The following CEP63 variants were observed in gnomAD, a reference collection of about 807,000 sequenced individuals.
CEP63 encodes the protein centrosomal protein 63.
Under a neutral mutation model 89.1 loss-of-function variants are expected in CEP63, and 84 were observed. The ratio of observed to expected loss-of-function variants is 0.94; its 90% CI spans 0.79 to 1.13. The LOEUF (loss-of-function observed/expected upper bound fraction) is 1.13, where lower values mean the gene tolerates loss of function less well. Among genes scored for constraint, CEP63 ranks in the 50% most tolerant of loss-of-function variants. The pLI is 0.00. For synonymous variants in CEP63, 267 were observed against 272.5 expected, an observed-to-expected ratio of 0.98 and a Z score of 0.20; for missense variants, 838 against 813.3, an observed-to-expected ratio of 1.03 and a Z score of -0.37.
intron 10 of CEP63, among the ~76,000 whole-genome samples, chr3:134,587,409 T>C (rs1958508017): frequency 6.6e-6 from 1 of 152,196 alleles, no homozygotes; most frequent in Non-Finnish European, 1.5e-5. Context: ...GATGTTGATG[T>C]TATTCCTTCC....
At chr3:134,721,330 T>C in the CEP63 span, among the ~76,000 whole-genome samples, 1 of 152,160 alleles carries the variant, frequency 6.6e-6, no homozygotes, top group Admixed American at 6.5e-5. Context: ...CCTTGTATTC[T>C]GCCACATTGC....
At chr3:134,550,784 A>G (rs1954652489) in intron 11 of CEP63, among the ~76,000 whole-genome samples, 1 of 152,200 alleles carries the variant, frequency 6.6e-6, no homozygotes, top group Non-Finnish European at 1.5e-5. Flanking sequence ...GGCTGCAAGC[A>G]GGAGTAAAAT....
chr3:134,735,891 G>A, the CEP63 span, among the ~76,000 whole-genome samples: 4 of 152,042 alleles, frequency 2.6e-5, no homozygotes, highest in African/African-American at 9.7e-5. Context: ...GTGGGGAAAA[G>A]GGACTAATCC....
intron 3 of CEP63, among the ~76,000 whole-genome samples, chr3:134,513,232 TTATATG>T (rs1576933724): frequency 1.3e-5 from 2 of 152,202 alleles, no homozygotes; most frequent in Admixed American, 1.3e-4. Flanking sequence ...GTCACCATAT[TTATATG>T]TTTACATTTC....
intron 1 of CEP63, among the ~76,000 whole-genome samples, chr3:134,490,698 C>A (rs1441087736): frequency 3.1e-5 from 4 of 130,156 alleles, no homozygotes; most frequent in African/African-American, 1.1e-4. Flanking sequence ...TCTGTTTCTT[C>A]CACTCTGCTT....
the CEP63 span, chr3:134,651,471 A>G: frequency 1.8e-5 from 18 of 1,010,526 alleles, no homozygotes; most frequent in Admixed American, 6.9e-4. Context: ...AAAAGGAAAG[A>G]CAGCAAAGGG....
At chr3:134,758,920 TGGTG>T in the CEP63 span, among the ~76,000 whole-genome samples, 1 of 152,204 alleles carries the variant, frequency 6.6e-6, no homozygotes, top group Non-Finnish European at 1.5e-5. Context: ...TATTGTGAGA[TGGTG>T]AGATTACTCT....
the CEP63 span, among the ~76,000 whole-genome samples, chr3:134,690,364 T>C: frequency 1.3e-5 from 2 of 152,238 alleles, no homozygotes; most frequent in Admixed American, 6.5e-5. Flanking sequence ...AAAAGCTTCC[T>C]GTATTTCCGT....
chr3:134,499,582 G>A (rs904412977), intron 2 of CEP63, among the ~76,000 whole-genome samples: 2 of 151,582 alleles, frequency 1.3e-5, no homozygotes, highest in Non-Finnish European at 2.9e-5. Context: ...TTTGCTACTC[G>A]AAGTGCATCG....
chr3:134,770,083 G>C, the CEP63 span, among the ~76,000 whole-genome samples: 1 of 152,222 alleles, frequency 6.6e-6, no homozygotes, highest in Non-Finnish European at 1.5e-5. Flanking sequence ...CTGCCAGCAA[G>C]GGCGTGGTGG....
chr3:134,531,766 G>T (rs1577111759), intron 3 of CEP63, 79 bp from the exon 4 acceptor site: 3 of 1,055,808 alleles, frequency 2.8e-6, no homozygotes, highest in African/African-American at 3.1e-5. Flanking sequence ...TAAATACAGA[G>T]ATTATTTTCT....
chr3:134,587,925 A>G (rs1958519253), downstream of CEP63, among the ~76,000 whole-genome samples: 1 of 152,192 alleles, frequency 6.6e-6, no homozygotes, highest in Non-Finnish European at 1.5e-5. Flanking sequence ...AACAAGACTA[A>G]CAAACTTGAA....
chr3:134,540,428 A>G (rs965836855), intron 6 of CEP63, among the ~76,000 whole-genome samples: 4 of 152,176 alleles, frequency 2.6e-5, no homozygotes, highest in African/African-American at 9.7e-5. Flanking sequence ...TTCTTAGGAA[A>G]TGGCCCTAGA....
the CEP63 span, among the ~76,000 whole-genome samples, chr3:134,762,727 T>G: frequency 6.6e-6 from 1 of 152,176 alleles, no homozygotes; most frequent in African/African-American, 2.4e-5. Context: ...TTCAGATGTC[T>G]AGCCTCCAGA....
At chr3:134,705,434 G>A in the CEP63 span, among the ~76,000 whole-genome samples, 2 of 152,142 alleles carry the variant, frequency 1.3e-5, no homozygotes, top group Non-Finnish European at 2.9e-5. Flanking sequence ...ATGGCACCAT[G>A]CCATTCATAA....
the CEP63 span, chr3:134,607,953 C>T: frequency 1.0e-6 from 1 of 997,708 alleles, no homozygotes; most frequent in Non-Finnish European, 1.2e-6. Context: ...CCCGCCTCTC[C>T]TCTGCTGCCT....
chr3:134,629,379 G>T, the CEP63 span: 2 of 511,262 alleles, frequency 3.9e-6, no homozygotes, highest in Admixed American at 3.2e-5. Context: ...GATGCAATGT[G>T]TCTTCAGCTA....
At chr3:134,603,566 C>T in the CEP63 span, 11 of 1,557,218 alleles carry the variant, frequency 7.1e-6, no homozygotes, top group African/African-American at 6.8e-5. Flanking sequence ...AGGGTAAGAC[C>T]GGGGCACAGC....
chr3:134,727,079 A>C, the CEP63 span, among the ~76,000 whole-genome samples: 1 of 151,914 alleles, frequency 6.6e-6, no homozygotes, highest in African/African-American at 2.4e-5. Context: ...TTAGATTCTG[A>C]TTGCCACTGA....
Sources: allele counts gnomAD v4.1 joint callset (sites outside exome capture counted in the v4.1 genomes callset), GRCh38; gene constraint gnomAD v4.1.1; transcripts MANE v1.5; gene names NCBI Gene and HGNC (gene_info 2026-07-23, HGNC 2026-07-21).